Variants in ZBTB20 observed in about 807,000 individuals in gnomAD.
ZBTB20 encodes zinc finger and BTB domain containing 20.
In ZBTB20, 9 loss-of-function variants were observed where a neutral mutation model predicts 56.9. That is an observed-to-expected ratio of 0.16 (90% confidence interval 0.10 to 0.28). The LOEUF is 0.28. Among genes scored for constraint, ZBTB20 ranks in the 10% least tolerant of loss-of-function variants. The pLI is 1.00. For synonymous variants in ZBTB20, 417 were observed against 420.7 expected (o/e 0.99, Z 0.11); for missense variants, 655 against 1,003.0 (o/e 0.65, Z 4.69).
chr3:114,564,455 A>G (rs1333112480), intron 6 of ZBTB20, among the ~76,000 whole-genome samples: 2 of 152,114 alleles, frequency 1.3e-5, no homozygotes, highest in African/African-American at 4.8e-5. Context: ...TTTAAACCTC[A>G]TAGCATGGTA....
chr3:115,050,529 A>AT (rs1329543017), intron 2 of ZBTB20, among the ~76,000 whole-genome samples: 2 of 152,034 alleles, frequency 1.3e-5, no homozygotes, highest in Non-Finnish European at 1.5e-5. Context: ...ATGTTTGTTT[A>AT]TATAAAAATA....
At chr3:114,340,432 C>A (rs559429530) in intron 11 of ZBTB20, among the ~76,000 whole-genome samples, 6 of 152,216 alleles carry the variant, frequency 3.9e-5, no homozygotes, top group African/African-American at 1.4e-4. Flanking sequence ...TTCCTGCGTC[C>A]TCCTTTGCTC....
At chr3:115,140,458 TAAATC>T (rs1354762558) in intron 1 of ZBTB20, among the ~76,000 whole-genome samples, 1 of 152,056 alleles carries the variant, frequency 6.6e-6, no homozygotes, top group Non-Finnish European at 1.5e-5. Flanking sequence ...TGCTTTATCT[TAAATC>T]AAAACCATGG....
chr3:114,408,557 T>G (rs1005829068), intron 7 of ZBTB20, among the ~76,000 whole-genome samples: 3 of 152,014 alleles, frequency 2.0e-5, no homozygotes, highest in African/African-American at 4.8e-5. Context: ...AATCGAAAGA[T>G]TCAATGTTTT....
At chr3:115,034,259 G>C (rs1382971559) in intron 2 of ZBTB20, among the ~76,000 whole-genome samples, 1 of 151,160 alleles carries the variant, frequency 6.6e-6, no homozygotes, top group Non-Finnish European at 1.5e-5. Context: ...GAAATGAAAG[G>C]CACCCAAATC....
At chr3:114,715,453 G>C (rs2064406425) in intron 5 of ZBTB20, among the ~76,000 whole-genome samples, 1 of 152,194 alleles carries the variant, frequency 6.6e-6, no homozygotes, top group African/African-American at 2.4e-5. Flanking sequence ...GGTACATTCA[G>C]CTCCTATTCT....
At position 114,647,893 on chromosome 3, in the gene ZBTB20, A is replaced by G. The variant is rs541275805; in HGVS notation, c.-295+45635T>C. ...TCTTTAATCTTCCAATTGAGAAAAC[A>G]TTAGGAGTAGAAGAAAAATGATTAA... is the stretch of plus-strand genomic sequence containing the variant. On this transcript the variant is annotated intron_variant, in intron 6 of 11. Coordinates refer to ENST00000675478, the MANE Select transcript of ZBTB20 (RefSeq NM_001348800.3). 9.6e-4 allele frequency among the ~76,000 whole-genome samples: 146 copies of G among 152,318 alleles called. 1 individual carries two copies. Among genetic ancestry groups the G allele is most frequent in the African/African-American group, 3.4e-3 (142 of 41,588 alleles).
chr3:115,026,826 C>A (rs532250320), intron 2 of ZBTB20, among the ~76,000 whole-genome samples: 2 of 149,384 alleles, frequency 1.3e-5, no homozygotes, highest in Non-Finnish European at 3.0e-5. Flanking sequence ...AAAAACATTG[C>A]GGGAGGAAAA....
At chr3:114,406,510 C>T (rs778145171) in intron 7 of ZBTB20, among the ~76,000 whole-genome samples, 1 of 152,056 alleles carries the variant, frequency 6.6e-6, no homozygotes, top group Non-Finnish European at 1.5e-5. Context: ...TGTTTTTGGT[C>T]ACTTATAATG....
chr3:114,350,829 C>T lies in ZBTB20; in HGVS notation c.1249G>A (p.Ala417Thr), dbSNP rs773407264. Residue 417 changes from alanine to threonine, a missense_variant, in exon 11 of 12, where the codon GCT (alanine) becomes ACT (threonine). By Grantham distance (58) the Ala-to-Thr change is moderately conservative. Transcript: ENST00000675478. Reference sequence around the variant, plus strand: ...TGGTTTGTCTGCGGACCACCCTCAGCGGGGGCTTCTGCAGCCTGCTCGGGT... The same window carrying T: ...TGGTTTGTCTGCGGACCACCCTCAGTGGGGGCTTCTGCAGCCTGCTCGGGT... ...TQPEQAAEAPAEGGPQTNQLE... is the reference protein window; with the variant it reads ...TQPEQAAEAPTEGGPQTNQLE... 8 of 1,613,028 alleles carry T rather than the reference C, an allele frequency of 5.0e-6. No homozygotes were observed. Among genetic ancestry groups the T allele is most frequent in the African/African-American group, 2.7e-5 (2 of 75,010 alleles).
chr3:114,636,032 C>T (rs550606162), intron 6 of ZBTB20, among the ~76,000 whole-genome samples: 3 of 152,106 alleles, frequency 2.0e-5, no homozygotes, highest in African/African-American at 4.8e-5. Flanking sequence ...GAAACAAGAG[C>T]GAAGCAACTC....
chr3:114,849,680 T>C (rs932691993), intron 4 of ZBTB20, among the ~76,000 whole-genome samples: 2 of 152,156 alleles, frequency 1.3e-5, no homozygotes, highest in African/African-American at 4.8e-5. Context: ...ATACTTATCA[T>C]GTTATTATGG....
intron 7 of ZBTB20, chr3:114,445,467 A>G (rs2091213411): frequency 6.6e-6 from 1 of 152,148 alleles, no homozygotes; most frequent in Non-Finnish European, 1.5e-5. Flanking sequence ...TTGTAGTTGC[A>G]TTCGTCACAG....
At chr3:114,595,752 C>A (rs2056261023) in intron 6 of ZBTB20, among the ~76,000 whole-genome samples, 1 of 152,236 alleles carries the variant, frequency 6.6e-6, no homozygotes, top group South Asian at 2.1e-4. Flanking sequence ...AAGCTCTCAT[C>A]TTTCCCATTC....
At chr3:114,957,928 A>C (rs1428881957) in intron 3 of ZBTB20, among the ~76,000 whole-genome samples, 1 of 152,172 alleles carries the variant, frequency 6.6e-6, no homozygotes, top group Non-Finnish European at 1.5e-5. Flanking sequence ...CTTTCCTAGC[A>C]CCCATCAATC....
At position 114,454,511 on chromosome 3, in the gene ZBTB20, TA is replaced by T. The variant is rs754894169; in HGVS notation, c.-255+45840del. ...CAAAATACATGCTCCCTCGGTCTCCTAAAAAAAAAAAAAGGCTTTTCCATCT... is the reference window on the plus strand; with the variant it reads ...CAAAATACATGCTCCCTCGGTCTCCTAAAAAAAAAAAAGGCTTTTCCATCT... On this transcript the variant is annotated intron_variant, in intron 7 of 11. Coordinates refer to ENST00000675478, the MANE Select transcript of ZBTB20 (RefSeq NM_001348800.3). 8.3e-3 allele frequency: 1,044 copies of T among 126,306 alleles called. 1 individual carries two copies. The highest frequency in any genetic ancestry group is 8.2e-3 in the Middle Eastern group (2 of 244). 7.8% of individuals were successfully genotyped at this position (126,306 alleles called of 1,614,324 possible).
At chr3:114,556,914 C>CAGAT (rs946173671) in intron 6 of ZBTB20, among the ~76,000 whole-genome samples, 16 of 152,060 alleles carry the variant, frequency 1.1e-4, no homozygotes, top group African/African-American at 3.6e-4. Flanking sequence ...TAAAAAAGAT[C>CAGAT]AGATTGTGAA....
Position 114,753,432 on chromosome 3 carries a change from T to TATATATACACAC in ZBTB20, c.-343+47668_-343+47669insGTGTGTATATAT, listed in dbSNP as rs1205435166. Among the ~76,000 whole-genome samples, 93 of 43,528 alleles carry TATATATACACAC rather than the reference T, an allele frequency of 2.1e-3. 9 individuals carry two copies. Among genetic ancestry groups the TATATATACACAC allele is most frequent in the Middle Eastern group, 0.015 (1 of 66 alleles). The allele number at this position is 43,528 out of a possible 152,430, so 28.6% of individuals were successfully genotyped here. ...ACACACGTATATATATATATATATATACACACACACTTTTTTTTTTGAGAC... is the reference window on the plus strand; with the variant it reads ...ACACACGTATATATATATATATATATATATATACACACACACACACACTTTTTTTTTTGAGAC... On this transcript the variant is annotated intron_variant, in intron 5 of 11. Transcript: ENST00000675478.
Position 114,450,849 on chromosome 3 carries a change from C to T in ZBTB20, c.-255+49503G>A, listed in dbSNP as rs144878643. On this transcript the variant is annotated intron_variant, in intron 7 of 11. Coordinates refer to ENST00000675478, the MANE Select transcript of ZBTB20 (RefSeq NM_001348800.3). ...CAATTCATCTGTTTTTCATAGCAAGCGTGGAAAAGAAGGCAATCATACCAA... is the reference window on the plus strand; with the variant it reads ...CAATTCATCTGTTTTTCATAGCAAGTGTGGAAAAGAAGGCAATCATACCAA... Among the ~76,000 whole-genome samples, 70 of 151,838 alleles carry T rather than the reference C, an allele frequency of 4.6e-4. No homozygotes were observed. In the East Asian group the frequency reaches 0.013, roughly 29 times the overall value.
Sources: gnomAD v4.1 joint callset for allele counts (sites outside exome capture counted in the v4.1 genomes callset) on GRCh38, gnomAD v4.1.1 for gene constraint, MANE v1.5 for transcripts, NCBI Gene and HGNC (gene_info 2026-07-23, HGNC 2026-07-21) for gene names.